MAF: variants seen among roughly 807,000 people sequenced by gnomAD.
MAF encodes the protein MAF bZIP transcription factor.
A neutral mutation model predicts 22.0 loss-of-function variants in MAF; 10 were observed. The ratio of observed to expected loss-of-function variants is 0.45; its 90% CI spans 0.28 to 0.77. The LOEUF is 0.77. MAF is among the 30% of genes least tolerant of loss of function. MAF has a pLI of 0.12. For synonymous variants in MAF, 337 were observed against 255.8 expected, an observed-to-expected ratio of 1.32 and a Z score of -3.03; for missense variants, 544 against 548.4, an observed-to-expected ratio of 0.99 and a Z score of 0.08.
the MAF span, among the ~76,000 whole-genome samples, chr16:79,474,928 C>T: frequency 2.0e-5 from 3 of 152,214 alleles, no homozygotes; most frequent in Admixed American, 2.0e-4. Flanking sequence ...ATCCTAGCAA[C>T]TAGAAATGTG....
chr16:79,445,294 T>A, the MAF span, among the ~76,000 whole-genome samples: 2 of 152,042 alleles, frequency 1.3e-5, no homozygotes, highest in African/African-American at 2.4e-5. Flanking sequence ...CTGCCCGCCT[T>A]GGCCTCCCAA....
the MAF span, among the ~76,000 whole-genome samples, chr16:79,260,202 G>A: frequency 6.6e-6 from 1 of 152,188 alleles, no homozygotes; most frequent in African/African-American, 2.4e-5. Flanking sequence ...CCAGGCTGGA[G>A]TGCAGTGGTG....
the MAF span, chr16:79,212,268 A>C: frequency 7.9e-7 from 1 of 1,263,746 alleles, no homozygotes; most frequent in Admixed American, 2.9e-5. Flanking sequence ...TGTTTCATTC[A>C]TCCTGACCAA....
At chr16:79,470,276 C>T in the MAF span, among the ~76,000 whole-genome samples, 357 of 152,320 alleles carry the variant, frequency 2.3e-3, 3 homozygotes, top group Non-Finnish European at 8.5e-4. Context: ...TTGCCCTGCT[C>T]GGATCCTTGC....
At chr16:79,206,546 A>C in the MAF span, 6 of 152,210 alleles carry the variant, frequency 3.9e-5, no homozygotes, top group South Asian at 6.2e-4. Context: ...GAGCCTGGCA[A>C]ATCGTAACCT....
At chr16:79,384,630 G>A in the MAF span, among the ~76,000 whole-genome samples, 139 of 151,170 alleles carry the variant, frequency 9.2e-4, no homozygotes, top group African/African-American at 3.0e-3. Flanking sequence ...GGTGGCGGGC[G>A]CCTGTAGTCC....
At chr16:79,560,421 GAA>G in the MAF span, among the ~76,000 whole-genome samples, 13,003 of 141,988 alleles carry the variant, frequency 0.092, 627 homozygotes, top group Middle Eastern at 0.16. Flanking sequence ...AAAGCAAGCT[GAA>G]AAAAAAAAAA....
the MAF span, among the ~76,000 whole-genome samples, chr16:79,390,903 T>A: frequency 2.6e-5 from 4 of 152,310 alleles, no homozygotes; most frequent in African/African-American, 9.6e-5. Flanking sequence ...TCAAAGGCCA[T>A]CTGCTTTCCC....
the MAF span, among the ~76,000 whole-genome samples, chr16:79,273,429 C>T: frequency 6.6e-6 from 1 of 152,164 alleles, no homozygotes; most frequent in Non-Finnish European, 1.5e-5. Flanking sequence ...AACAAATTAC[C>T]ACAAACTTGG....
At chr16:79,398,598 G>A in the MAF span, among the ~76,000 whole-genome samples, 2 of 152,202 alleles carry the variant, frequency 1.3e-5, no homozygotes, top group South Asian at 4.2e-4. Flanking sequence ...AACATCACAG[G>A]CTTGTGGCTG....
the MAF span, among the ~76,000 whole-genome samples, chr16:79,343,089 G>C: frequency 6.6e-6 from 1 of 152,160 alleles, no homozygotes; most frequent in Admixed American, 6.6e-5. Flanking sequence ...AGAAAGTTAA[G>C]ACTTGTCAGA....
At chr16:79,223,525 A>G in the MAF span, among the ~76,000 whole-genome samples, 36 of 152,336 alleles carry the variant, frequency 2.4e-4, no homozygotes, top group African/African-American at 7.9e-4. Flanking sequence ...AGCAGAACTG[A>G]AGGAGATAGA....
chr16:79,476,438 A>G, the MAF span, among the ~76,000 whole-genome samples: 1 of 152,242 alleles, frequency 6.6e-6, no homozygotes, highest in East Asian at 1.9e-4. Flanking sequence ...TTTTTCTGCA[A>G]TAGAAAGTTC....
chr16:79,250,319 T>G, the MAF span, among the ~76,000 whole-genome samples: 1 of 152,222 alleles, frequency 6.6e-6, no homozygotes, highest in Non-Finnish European at 1.5e-5. Context: ...ATTGTGATTT[T>G]CATGCCTACG....
At chr16:79,572,897 A>G in the MAF span, among the ~76,000 whole-genome samples, 1 of 152,238 alleles carries the variant, frequency 6.6e-6, no homozygotes, top group Admixed American at 6.5e-5. Context: ...AGTCTGTGCT[A>G]TAAGATGCTA....
the MAF span, among the ~76,000 whole-genome samples, chr16:79,314,962 T>A: frequency 3.9e-5 from 6 of 152,188 alleles, no homozygotes; most frequent in Non-Finnish European, 8.8e-5. Flanking sequence ...ATCAATTATT[T>A]CTCCATTGTT....
At chr16:79,511,136 G>T in the MAF span, among the ~76,000 whole-genome samples, 2 of 152,062 alleles carry the variant, frequency 1.3e-5, no homozygotes, top group Admixed American at 6.5e-5. Context: ...CCTTACTTCT[G>T]TGTCTCCTGC....
the MAF span, among the ~76,000 whole-genome samples, chr16:79,442,702 T>C: frequency 1.3e-5 from 2 of 152,324 alleles, no homozygotes; most frequent in African/African-American, 4.8e-5. Context: ...GTGAACTACC[T>C]TGCCTGGCTG....
the MAF span, among the ~76,000 whole-genome samples, chr16:79,320,734 T>C: frequency 1.3e-5 from 2 of 152,224 alleles, no homozygotes; most frequent in Non-Finnish European, 2.9e-5. Context: ...CATTAAATGA[T>C]ATAAAACTAT....
Sources: allele counts gnomAD v4.1 joint callset (sites outside exome capture counted in the v4.1 genomes callset), GRCh38; gene constraint gnomAD v4.1.1; transcripts MANE v1.5; gene names NCBI Gene and HGNC (gene_info 2026-07-23, HGNC 2026-07-21).